Variants in C8orf34 observed in about 807,000 individuals in gnomAD.
C8orf34 encodes uncharacterized protein C8orf34.
In C8orf34, 65 loss-of-function variants were observed where a neutral mutation model predicts 68.3. That is an observed-to-expected ratio of 0.95 (90% CI 0.78 to 1.17). The LOEUF (loss-of-function observed/expected upper bound fraction) is 1.17. C8orf34 is among the 50% of genes most tolerant of loss of function. The pLI is 0.00. For missense variants in C8orf34, 664 were observed against 655.4 expected (o/e 1.01, Z -0.14); for synonymous variants, 244 against 241.2 (o/e 1.01, Z -0.11).
intron 5 of C8orf34, among the ~76,000 whole-genome samples, chr8:68,513,642 A>G (rs1398502004): frequency 6.6e-6 from 1 of 152,254 alleles, no homozygotes; most frequent in African/African-American, 2.4e-5. Context: ...TGCCTGGTGA[A>G]GAACCTTTTA....
At chr8:68,802,592 G>A (rs557776653) in intron 12 of C8orf34, among the ~76,000 whole-genome samples, 33 of 150,630 alleles carry the variant, frequency 2.2e-4, no homozygotes, top group African/African-American at 7.5e-4. Context: ...TCTGCCTCCC[G>A]GGCTCACACC....
intron 10 of C8orf34, among the ~76,000 whole-genome samples, chr8:68,768,101 G>A (rs890053551): frequency 1.3e-5 from 2 of 152,110 alleles, no homozygotes; most frequent in Admixed American, 6.5e-5. Flanking sequence ...TTTGTTAAAC[G>A]TATTTGATAC....
chr8:68,350,780 T>G (rs1806480182), intron 1 of C8orf34, among the ~76,000 whole-genome samples: 1 of 151,484 alleles, frequency 6.6e-6, no homozygotes, highest in South Asian at 2.1e-4. Context: ...AAATTGTAAC[T>G]TCTGCTTTTA....
intron 8 of C8orf34, among the ~76,000 whole-genome samples, chr8:68,685,052 T>G (rs1820473115): frequency 6.6e-6 from 1 of 152,108 alleles, no homozygotes; most frequent in African/African-American, 2.4e-5. Context: ...AATAAAAAAT[T>G]TGTACCAGAT....
chr8:68,533,934 C>A (rs1038972304), intron 7 of C8orf34: 2 of 852,948 alleles, frequency 2.3e-6, no homozygotes, highest in Non-Finnish European at 2.8e-6. Flanking sequence ...TACTTTATAA[C>A]AATATGCTGT....
At chr8:68,797,542 TA>T (rs5892156) in intron 12 of C8orf34, among the ~76,000 whole-genome samples, 48 of 147,744 alleles carry the variant, frequency 3.2e-4, no homozygotes, top group East Asian at 6.0e-4. Context: ...TTTTCACCTT[TA>T]AAAAAAAAAA....
At chr8:68,514,914 T>A (rs1814440024) in intron 5 of C8orf34, among the ~76,000 whole-genome samples, 1 of 151,996 alleles carries the variant, frequency 6.6e-6, no homozygotes, top group South Asian at 2.1e-4. Flanking sequence ...AATTTTATAG[T>A]AGGAGATAAT....
At chr8:68,433,351 CAT>C (rs1485265042) in intron 1 of C8orf34, among the ~76,000 whole-genome samples, 2 of 152,136 alleles carry the variant, frequency 1.3e-5, no homozygotes, top group African/African-American at 4.8e-5. Flanking sequence ...GAATAAAAAA[CAT>C]ATCTGATTGG....
At chr8:68,521,747 C>G in intron 5 of C8orf34, 52 bp from the exon 6 acceptor site, 1 of 1,493,484 alleles carries the variant, frequency 6.7e-7, no homozygotes, top group Non-Finnish European at 9.1e-7. Context: ...CCCTGTTGTC[C>G]TGTTAATAAG....
intron 1 of C8orf34, among the ~76,000 whole-genome samples, chr8:68,373,583 T>G (rs1029826719): frequency 2.6e-5 from 4 of 152,252 alleles, no homozygotes; most frequent in Non-Finnish European, 4.4e-5. Context: ...CCAAGAGTTC[T>G]GAGACAGCCA....
intron 1 of C8orf34, among the ~76,000 whole-genome samples, chr8:68,377,150 G>T (rs2129620026): frequency 6.6e-6 from 1 of 152,230 alleles, no homozygotes; most frequent in Non-Finnish European, 1.5e-5. Context: ...CTAGCTCTTT[G>T]GAAGGCTGAG....
intron 8 of C8orf34, among the ~76,000 whole-genome samples, chr8:68,668,169 C>T (rs1819898341): frequency 6.6e-6 from 1 of 152,012 alleles, no homozygotes; most frequent in South Asian, 2.1e-4. Flanking sequence ...CTACATTTAA[C>T]CTTAAAAACG....
At position 68,818,932 on chromosome 8, in the gene C8orf34, T is replaced by C. The variant is rs1824898630; in HGVS notation, c.*686T>C. ...CAATTATTGAACCCAATTAAGATGA[T>C]CCATTTTAAATTTAATATATGCTCG... is the stretch of plus-strand genomic sequence containing the variant. On this transcript the variant is annotated 3_prime_UTR_variant, in exon 14 of 14. Coordinates refer to ENST00000518698, the MANE Select transcript of C8orf34 (RefSeq NM_052958.4). 2 of 152,122 alleles carry C rather than the reference T, an allele frequency of 1.3e-5. No homozygotes were observed. Among genetic ancestry groups the C allele is most frequent in the Non-Finnish European group, 2.9e-5 (2 of 68,026 alleles). 9.4% of individuals were successfully genotyped at this position (152,122 alleles called of 1,614,324 possible).
chr8:68,720,245 C>A (rs896527952), intron 9 of C8orf34, among the ~76,000 whole-genome samples: 1 of 151,954 alleles, frequency 6.6e-6, no homozygotes, highest in Non-Finnish European at 1.5e-5. Flanking sequence ...TCCACATTTA[C>A]ATCTACATAA....
chr8:68,331,460 G>C (rs1240045240), intron 1 of C8orf34, 121 bp downstream of exon 1: 2 of 1,121,190 alleles, frequency 1.8e-6, no homozygotes, highest in Non-Finnish European at 1.3e-6. Flanking sequence ...CAACGCGCGG[G>C]AGAGGGCGCC....
chr8:68,531,376 T>C (rs2129810182), intron 6 of C8orf34, among the ~76,000 whole-genome samples: 1 of 152,272 alleles, frequency 6.6e-6, no homozygotes, highest in East Asian at 1.9e-4. Flanking sequence ...TCTACAACAG[T>C]CCTCTGCCTT....
Position 68,473,734 on chromosome 8 carries a change from ATCT to A in C8orf34, c.736+4919_736+4921del, listed in dbSNP as rs571436400. ...TAGTGCTCACTGTCTCTACTTGCTCATCTTCTTTCTACTCCTCAAACTAATTAT... is the reference window on the plus strand; with the variant it reads ...TAGTGCTCACTGTCTCTACTTGCTCATCTTTCTACTCCTCAAACTAATTAT... On this transcript the variant is annotated intron_variant, in intron 4 of 13. Coordinates refer to ENST00000518698, the MANE Select transcript of C8orf34 (RefSeq NM_052958.4). 3.8e-3 allele frequency among the ~76,000 whole-genome samples: 578 copies of A among 152,230 alleles called. 1 individual carries two copies. The highest frequency in any genetic ancestry group is 0.013 in the African/African-American group (539 of 41,536).
At chr8:68,330,637 A>G (rs906891984), upstream of C8orf34, 18 of 190,804 alleles carry the variant, frequency 9.4e-5, no homozygotes, top group Admixed American at 1.1e-3. Context: ...AACAAGCACC[A>G]GATTTATGTG....
chr8:68,818,567 C>T lies in C8orf34; in HGVS notation c.*321C>T. ...ATATTGCCTGATTCAAATAACTTTGCTTAAAATTTTTCTGTATTTTAACTT... is the reference window on the plus strand; with the variant it reads ...ATATTGCCTGATTCAAATAACTTTGTTTAAAATTTTTCTGTATTTTAACTT... On this transcript the variant is annotated 3_prime_UTR_variant, in exon 14 of 14. Coordinates refer to ENST00000518698, the MANE Select transcript of C8orf34 (RefSeq NM_052958.4). 4.3e-6 allele frequency: 1 copy of T among 232,538 alleles called. No homozygotes were observed. 14.4% of individuals were successfully genotyped at this position (232,538 alleles called of 1,614,324 possible). A position where few individuals can be genotyped will look rare whatever the true frequency, so the allele number is the denominator to read the frequency against.
Sources: gnomAD v4.1 joint callset for allele counts (sites outside exome capture counted in the v4.1 genomes callset) on GRCh38, gnomAD v4.1.1 for gene constraint, MANE v1.5 for transcripts, NCBI Gene and HGNC (gene_info 2026-07-23, HGNC 2026-07-21) for gene names.